The following CPPED1 variants were observed in gnomAD, a reference collection of about 807,000 sequenced individuals.
CPPED1 encodes the protein serine/threonine-protein phosphatase CPPED1.
A neutral mutation model predicts 28.0 loss-of-function variants in CPPED1; 28 were observed. That is an observed-to-expected ratio of 1.00 (90% CI 0.74 to 1.37). The LOEUF (loss-of-function observed/expected upper bound fraction) is 1.37. Among genes scored for constraint, CPPED1 ranks in the 40% most tolerant of loss-of-function variants. The pLI is 0.00. For missense variants in CPPED1, 504 were observed against 416.5 expected (o/e 1.21, Z -1.83); for synonymous variants, 198 against 180.2 (o/e 1.10, Z -0.79).
chr16:12,743,849 A>G (rs1258829789), intron 2 of CPPED1, among the ~76,000 whole-genome samples: 1 of 152,140 alleles, frequency 6.6e-6, no homozygotes, highest in Non-Finnish European at 1.5e-5. Flanking sequence ...ACAAAAAAAT[A>G]CAAACATTAC....
At chr16:12,721,564 C>T (rs1231225323) in intron 2 of CPPED1, among the ~76,000 whole-genome samples, 1 of 152,134 alleles carries the variant, frequency 6.6e-6, no homozygotes, top group East Asian at 1.9e-4. Context: ...ACCAGCCTGA[C>T]CAACATGGTG....
chr16:12,724,831 G>A (rs1397347930), intron 2 of CPPED1, among the ~76,000 whole-genome samples: 1 of 152,060 alleles, frequency 6.6e-6, no homozygotes, highest in Non-Finnish European at 1.5e-5. Context: ...CTGTCACCCA[G>A]ACTAGAGTGC....
chr16:12,803,007 A>T (rs1247265821), intron 1 of CPPED1, among the ~76,000 whole-genome samples: 1 of 152,208 alleles, frequency 6.6e-6, no homozygotes, highest in African/African-American at 2.4e-5. Context: ...AACCAGAAAC[A>T]AACCTCCCTC....
intron 3 of CPPED1, among the ~76,000 whole-genome samples, chr16:12,672,928 C>A (rs1039216410): frequency 6.6e-6 from 1 of 151,980 alleles, no homozygotes; most frequent in Non-Finnish European, 1.5e-5. Flanking sequence ...GCATAAGAAT[C>A]GCTTGAACTC....
At chr16:12,756,063 G>C (rs1360602205) in intron 2 of CPPED1, among the ~76,000 whole-genome samples, 3 of 151,498 alleles carry the variant, frequency 2.0e-5, no homozygotes, top group African/African-American at 7.3e-5. Flanking sequence ...CCCAGGAGGC[G>C]GAGCTTGCAG....
intron 2 of CPPED1, among the ~76,000 whole-genome samples, chr16:12,771,635 C>T (rs1211549780): frequency 2.0e-5 from 3 of 152,166 alleles, no homozygotes; most frequent in Non-Finnish European, 4.4e-5. Flanking sequence ...CTTATTATGG[C>T]CTGTCTTGTA....
chr16:12,720,511 T>C (rs2080133999), intron 2 of CPPED1: 1 of 152,184 alleles, frequency 6.6e-6, no homozygotes, highest in African/African-American at 2.4e-5. Flanking sequence ...ATTTTGAGAC[T>C]GAGTCTTGCT....
chr16:12,748,142 A>G (rs963747018), intron 2 of CPPED1, among the ~76,000 whole-genome samples: 1 of 152,244 alleles, frequency 6.6e-6, no homozygotes, highest in African/African-American at 2.4e-5. Context: ...GCATATGGGC[A>G]CAGTAACAAA....
chr16:12,664,059 A>C lies in CPPED1; in HGVS notation c.*827T>G, dbSNP rs2079811397. The C allele has an allele frequency of 6.6e-6, 1 of 152,176 alleles. No individual in the cohort carries two copies. The highest frequency in any genetic ancestry group is 2.4e-5 in the African/African-American group (1 of 41,406). The allele number at this position is 152,176 out of a possible 1,614,324, so 9.4% of individuals were successfully genotyped here. On this transcript the variant is annotated 3_prime_UTR_variant, in exon 4 of 4. Coordinates refer to ENST00000381774, the MANE Select transcript of CPPED1 (RefSeq NM_018340.3). This position sits in a 1 kb window ranked among gnomAD's most constrained non-coding sequence, Gnocchi z 4.2. ...CAAAGTGGACAAAATGAAGAGTCTC[A>C]TGAGTGGAGGGGCATTCTGATCCCA...
At chr16:12,762,068 T>C (rs1444268959) in intron 2 of CPPED1, among the ~76,000 whole-genome samples, 1 of 152,152 alleles carries the variant, frequency 6.6e-6, no homozygotes, top group Admixed American at 6.6e-5. Context: ...AATTTTTTTT[T>C]TAAATGGGAA....
intron 3 of CPPED1, among the ~76,000 whole-genome samples, chr16:12,690,813 T>C (rs1223073240): frequency 6.6e-6 from 1 of 152,170 alleles, no homozygotes; most frequent in Non-Finnish European, 1.5e-5. Flanking sequence ...CACACCCCTG[T>C]ATTCCACACC....
chr16:12,781,971 A>G (rs987994951), intron 1 of CPPED1, among the ~76,000 whole-genome samples: 1 of 151,706 alleles, frequency 6.6e-6, no homozygotes, highest in African/African-American at 2.4e-5. Flanking sequence ...TCAATGTGGG[A>G]GAAAAAAAAA....
Position 12,780,822 on chromosome 16 carries a change from T to C in CPPED1, c.289+363A>G, listed in dbSNP as rs915397049. Among the ~76,000 whole-genome samples, 3 of 151,228 alleles carry C rather than the reference T, an allele frequency of 2.0e-5. 1 individual carries two copies. Among genetic ancestry groups the C allele is most frequent in the Non-Finnish European group, 2.9e-5 (2 of 67,872 alleles). On this transcript the variant is annotated intron_variant, in intron 2 of 3. Coordinates refer to ENST00000381774, the MANE Select transcript of CPPED1 (RefSeq NM_018340.3). Reference sequence around the variant, plus strand: ...CCAACAAATAAGGGAGAAATAAAAGTGTAAGAAGAAAGGAAATGAGGAGAG... The same window carrying C: ...CCAACAAATAAGGGAGAAATAAAAGCGTAAGAAGAAAGGAAATGAGGAGAG...
chr16:12,696,208 C>T (rs1400772509), intron 3 of CPPED1, among the ~76,000 whole-genome samples: 2 of 152,058 alleles, frequency 1.3e-5, no homozygotes, highest in African/African-American at 4.8e-5. Context: ...ACAGCTATAT[C>T]AGCAGGCAGC....
intron 3 of CPPED1, among the ~76,000 whole-genome samples, chr16:12,685,150 G>A (rs1029622447): frequency 2.6e-5 from 4 of 152,138 alleles, no homozygotes; most frequent in Non-Finnish European, 5.9e-5. Flanking sequence ...TTTAAAAAGG[G>A]GACAATAATA....
chr16:12,695,664 G>A (rs1444770717), intron 3 of CPPED1, among the ~76,000 whole-genome samples: 8 of 152,144 alleles, frequency 5.3e-5, no homozygotes, highest in African/African-American at 9.7e-5. Flanking sequence ...GCCAATCTCC[G>A]GTTTTGGCCA....
chr16:12,787,655 T>A (rs925029914), intron 1 of CPPED1, among the ~76,000 whole-genome samples: 2 of 151,942 alleles, frequency 1.3e-5, no homozygotes, highest in African/African-American at 4.8e-5. Context: ...TCTGCCCGTC[T>A]CAGCCTCCCA....
intron 2 of CPPED1, chr16:12,720,219 A>G (rs146552569): frequency 1.4e-4 from 21 of 154,142 alleles, no homozygotes; most frequent in African/African-American, 4.8e-4. Flanking sequence ...ACCCCAGATA[A>G]ATCAATCAGA....
At chr16:12,711,846 G>T (rs2080081708) in intron 2 of CPPED1, among the ~76,000 whole-genome samples, 4 of 152,126 alleles carry the variant, frequency 2.6e-5, no homozygotes, top group Admixed American at 2.0e-4. Flanking sequence ...TGAGATAAAT[G>T]AGATCATGTA....
Sources: allele counts gnomAD v4.1 joint callset (sites outside exome capture counted in the v4.1 genomes callset), GRCh38; gene constraint gnomAD v4.1.1; non-coding constraint Gnocchi (gnomAD v3.1); transcripts MANE v1.5; gene names NCBI Gene and HGNC (gene_info 2026-07-23, HGNC 2026-07-21).